Variants in SDHC observed in about 807,000 individuals in gnomAD.
SDHC encodes succinate dehydrogenase complex subunit C.
SDHC carries 11 observed loss-of-function variants against 22.6 expected under a neutral mutation model. The ratio of observed to expected loss-of-function variants is 0.49; its 90% CI spans 0.31 to 0.81. The LOEUF (loss-of-function observed/expected upper bound fraction) is 0.81, where lower values mean the gene tolerates loss of function less well. Among genes scored for constraint, SDHC ranks in the 30% least tolerant of loss-of-function variants. The pLI is 0.05. For synonymous variants in SDHC, 80 were observed against 77.8 expected (o/e 1.03, Z -0.15); for missense variants, 160 against 212.0 (o/e 0.75, Z 1.52).
chr1:161,338,299 CCTTTCTTA>C (rs1671572054), intron 3 of SDHC, among the ~76,000 whole-genome samples: 1 of 152,110 alleles, frequency 6.6e-6, no homozygotes, highest in Admixed American at 6.5e-5. Context: ...TGGGAATACT[CCTTTCTTA>C]CTTACTATGA....
intron 1 of SDHC, 79 bp downstream of exon 1, chr1:161,314,504 T>C: frequency 6.5e-7 from 1 of 1,536,930 alleles, no homozygotes. Context: ...TGCTGATAAC[T>C]GTTTATCCTG....
At chr1:161,324,078 G>A (rs1195867520) in intron 2 of SDHC, among the ~76,000 whole-genome samples, 1 of 152,182 alleles carries the variant, frequency 6.6e-6, no homozygotes, top group African/African-American at 2.4e-5. Context: ...GTGGGCAGTT[G>A]TAGACAGTTG....
At position 161,340,633 on chromosome 1, in the gene SDHC, C is replaced by T. The variant is rs752049668; in HGVS notation, c.219C>T (p.Gly73=). The T allele has an allele frequency of 6.2e-7, 1 of 1,613,872 alleles. No individual in the cohort carries two copies. Among genetic ancestry groups the T allele is most frequent in the Non-Finnish European group, 8.5e-7 (1 of 1,179,824 alleles). ...TGGCGATGTCCATCTGCCACCGTGGCACTGGTATTGCTTTGAGTGCAGGTA... is the reference window on the plus strand; with the variant it reads ...TGGCGATGTCCATCTGCCACCGTGGTACTGGTATTGCTTTGAGTGCAGGTA... ...LPMAMSICHR[G]TGIALSAGVS... The change falls in exon 4 of 6, where the codon GGC becomes GGT. Residue 73 remains glycine, a synonymous_variant. Coordinates refer to ENST00000367975, the MANE Select transcript of SDHC (RefSeq NM_003001.5).
rs1163985470 is a variant in SDHC, at chr1:161,316,355, C to T, written c.20+1930C>T. On this transcript the variant is annotated intron_variant, in intron 1 of 5. Coordinates refer to ENST00000367975, the MANE Select transcript of SDHC (RefSeq NM_003001.5). ...AGGCGGAGGTCCTTGCGGCCTACCG[C>T]AGTGTTTTGTGTCCCTGGGTACTTG... is the stretch of plus-strand genomic sequence containing the variant. Among the ~76,000 whole-genome samples, 8 of 152,218 alleles carry T rather than the reference C, an allele frequency of 5.3e-5. No homozygotes were observed. The East Asian group carries it at 1.5e-3, about 29-fold the overall frequency.
At chr1:161,323,957 A>G (rs1350404558) in intron 2 of SDHC, among the ~76,000 whole-genome samples, 1 of 152,140 alleles carries the variant, frequency 6.6e-6, no homozygotes, top group East Asian at 1.9e-4. Context: ...CGGCCTCCCA[A>G]AGTGCTGGGA....
At chr1:161,318,510 T>TA (rs1484200425) in intron 1 of SDHC, among the ~76,000 whole-genome samples, 23 of 152,308 alleles carry the variant, frequency 1.5e-4, no homozygotes, top group Admixed American at 9.8e-4. Flanking sequence ...GCTAGGCTTC[T>TA]ATGTAATAAT....
At chr1:161,329,413 C>T (rs1280238384) in intron 3 of SDHC, among the ~76,000 whole-genome samples, 1 of 152,114 alleles carries the variant, frequency 6.6e-6, no homozygotes, top group Non-Finnish European at 1.5e-5. Context: ...CCCACCGCAA[C>T]CCCTACCTCC....
intron 3 of SDHC, among the ~76,000 whole-genome samples, chr1:161,331,131 G>A (rs1248455042): frequency 1.3e-5 from 2 of 152,012 alleles, no homozygotes; most frequent in African/African-American, 4.8e-5. Context: ...TGATGAGATG[G>A]TTGAGGGGAT....
At chr1:161,322,576 T>G (rs1466500817) in intron 1 of SDHC, among the ~76,000 whole-genome samples, 1 of 151,796 alleles carries the variant, frequency 6.6e-6, no homozygotes, top group Non-Finnish European at 1.5e-5. Context: ...TTTTTGTTTT[T>G]TTTTTTTTGA....
intron 5 of SDHC, among the ~76,000 whole-genome samples, chr1:161,358,551 C>T (rs959586543): frequency 2.6e-5 from 4 of 151,820 alleles, no homozygotes; most frequent in Non-Finnish European, 4.4e-5. Flanking sequence ...GTGGGAGGAT[C>T]GAATGAGCCT....
At chr1:161,360,107 G>T (rs1387161162) in intron 5 of SDHC, among the ~76,000 whole-genome samples, 1 of 151,650 alleles carries the variant, frequency 6.6e-6, no homozygotes, top group Non-Finnish European at 1.5e-5. Context: ...CAGACTGTGG[G>T]TGTATGTGTG....
chr1:161,356,260 C>T (rs771553683), intron 4 of SDHC, among the ~76,000 whole-genome samples: 1 of 151,984 alleles, frequency 6.6e-6, no homozygotes, highest in South Asian at 2.1e-4. Flanking sequence ...TTTTCAAGGC[C>T]GGGTGCAGTG....
chr1:161,356,090 T>C (rs1439828944), intron 4 of SDHC, among the ~76,000 whole-genome samples: 2 of 152,040 alleles, frequency 1.3e-5, no homozygotes, highest in Admixed American at 1.3e-4. Flanking sequence ...CTAGATGATA[T>C]AGCAAGGCTT....
chr1:161,337,380 A>G (rs1324553212), intron 3 of SDHC, among the ~76,000 whole-genome samples: 2 of 152,104 alleles, frequency 1.3e-5, no homozygotes, highest in South Asian at 2.1e-4. Flanking sequence ...TTCTCACCAC[A>G]TAGGTCCTTT....
intron 4 of SDHC, among the ~76,000 whole-genome samples, chr1:161,343,433 C>T (rs764683417): frequency 6.6e-6 from 1 of 152,124 alleles, no homozygotes; most frequent in Non-Finnish European, 1.5e-5. Context: ...AGGATAGAGA[C>T]TCCTATCTAA....
chr1:161,347,625 T>C (rs937667958), intron 4 of SDHC, among the ~76,000 whole-genome samples: 7 of 148,142 alleles, frequency 4.7e-5, no homozygotes, highest in Non-Finnish European at 7.5e-5. Flanking sequence ...CCCAGCACTT[T>C]GGGAGGCCGA....
intron 4 of SDHC, among the ~76,000 whole-genome samples, chr1:161,343,141 C>T (rs1671780108): frequency 6.6e-6 from 1 of 152,130 alleles, no homozygotes; most frequent in Admixed American, 6.6e-5. Context: ...TTGACTTTTG[C>T]TTTGTTGAAG....
intron 3 of SDHC, among the ~76,000 whole-genome samples, chr1:161,336,326 G>A (rs922723795): frequency 3.9e-5 from 6 of 151,988 alleles, no homozygotes; most frequent in East Asian, 1.9e-4. Flanking sequence ...GTGGTGGCAC[G>A]TGCTTGTAGT....
intron 4 of SDHC, among the ~76,000 whole-genome samples, chr1:161,345,820 T>C (rs1671873579): frequency 6.6e-6 from 1 of 151,632 alleles, no homozygotes; most frequent in African/African-American, 2.4e-5. Flanking sequence ...TTTTTGTTTT[T>C]TTTGAGACGG....
Sources: gnomAD v4.1 joint callset for allele counts (sites outside exome capture counted in the v4.1 genomes callset) on GRCh38, gnomAD v4.1.1 for gene constraint, MANE v1.5 for transcripts, NCBI Gene and HGNC (gene_info 2026-07-23, HGNC 2026-07-21) for gene names.